ZNF562: variants seen among roughly 807,000 people sequenced by gnomAD.
ZNF562 encodes zinc finger protein 562.
A neutral mutation model predicts 17.5 loss-of-function variants in ZNF562; 13 were observed. That is an observed-to-expected ratio of 0.74 (90% CI 0.48 to 1.18). ZNF562 has a LOEUF of 1.18. Among genes scored for constraint, ZNF562 ranks in the 50% most tolerant of loss-of-function variants. The pLI is 0.00. For synonymous variants in ZNF562, 163 were observed against 165.4 expected (o/e 0.99, Z 0.11); for missense variants, 481 against 498.5 (o/e 0.96, Z 0.33).
chr19:9,656,393 T>C (rs60584541), intron 5 of ZNF562, among the ~76,000 whole-genome samples, 154 bp downstream of exon 5: 53,777 of 151,876 alleles, frequency 0.35, 13,403 homozygotes, highest in African/African-American at 0.7. Context: ...CCTGTAGTCC[T>C]AGCTACTCGG....
Position 9,647,701 on chromosome 19 carries a change from A to G in ZNF562, c.*5248T>C, listed in dbSNP as rs2023569499. On this transcript the variant is annotated 3_prime_UTR_variant, in exon 6 of 6. Coordinates refer to ENST00000453372, the MANE Select transcript of ZNF562 (RefSeq NM_001130031.2). ...AACCGTCTCTACTAAAAATACAAAA[A>G]TCAGCCAGGCAAGGTGGAGGCTGTC... The G allele has an allele frequency of 6.6e-6, 1 of 152,078 alleles. No homozygotes were observed. Among genetic ancestry groups the G allele is most frequent in the African/African-American group, 2.4e-5 (1 of 41,408 alleles). 9.4% of individuals were successfully genotyped at this position (152,078 alleles called of 1,614,324 possible).
intron 3 of ZNF562, 138 bp downstream of exon 3, chr19:9,659,241 T>A: frequency 1.3e-6 from 1 of 750,876 alleles, no homozygotes; most frequent in Non-Finnish European, 2.2e-6. Flanking sequence ...CCTGGGGAAA[T>A]TCACCTGGGG....
At chr19:9,666,697 CAG>C (rs1224093426) in intron 1 of ZNF562, among the ~76,000 whole-genome samples, 1 of 151,750 alleles carries the variant, frequency 6.6e-6, no homozygotes, top group Non-Finnish European at 1.5e-5. Context: ...AAAAAGAAAA[CAG>C]AACAGAAACC....
In ZNF562 at chr19:9,653,667, G is replaced by A; in HGVS notation, c.563C>T (p.Thr188Ile). 1.2e-6 allele frequency: 2 copies of A among 1,614,104 alleles called. No homozygotes were observed. The highest frequency in any genetic ancestry group is 8.5e-7 in the Non-Finnish European group (1 of 1,179,956). ...FNPCGKVFTL[T>I]PGLAVHLEIL... ...TTCAAGATGCACAGCAAGGCCTGGAGTTAAGGTGAAGACTTTTCCACATGG... is the reference window on the plus strand; with the variant it reads ...TTCAAGATGCACAGCAAGGCCTGGAATTAAGGTGAAGACTTTTCCACATGG... Residue 188 changes from threonine to isoleucine, a missense_variant, in exon 6 of 6, where the codon ACT (threonine) becomes ATT (isoleucine). This residue lies in a region of ZNF562 where 403 missense variants were observed against 386.4 expected (regional missense o/e 1.04). Coordinates refer to ENST00000453372, the MANE Select transcript of ZNF562 (RefSeq NM_001130031.2).
rs751854334 is a variant in ZNF562 at position 9,653,775 on chromosome 19, G to T, written c.455C>A (p.Thr152Asn). 7 of 1,613,956 alleles carry T rather than the reference G, an allele frequency of 4.3e-6. No individual in the cohort carries two copies. In the Admixed American group the frequency reaches 6.7e-5, roughly 15 times the overall value. ...TTTTCCATAACAATTACCCTCAAAA[G>T]TGTTCCCTCCATTCTGAGCTCTCAT... ...THMRAQNGGN[T>N]FEGNCYGKDS... Residue 152 changes from threonine to asparagine, a missense_variant, in exon 6 of 6, where the codon ACT becomes AAT. By Grantham distance (65) the Thr-to-Asn change is moderately conservative. Around this residue, in one of 2 missense-constraint regions of ZNF562, gnomAD observed 403 missense variants for 386.4 expected, o/e 1.04. Transcript: ENST00000453372.
At position 9,645,963 on chromosome 19, in the gene ZNF562, A is replaced by C. The variant is rs1487345722; in HGVS notation, c.*6986T>G. 6.6e-6 allele frequency: 1 copy of C among 152,102 alleles called. No homozygotes were observed. The highest frequency in any genetic ancestry group is 1.5e-5 in the Non-Finnish European group (1 of 67,998). 9.4% of individuals were successfully genotyped at this position (152,102 alleles called of 1,614,324 possible). On this transcript the variant is annotated 3_prime_UTR_variant, in exon 6 of 6. Coordinates refer to ENST00000453372, the MANE Select transcript of ZNF562 (RefSeq NM_001130031.2). ...AAGAGGGGAACACAATGAAACAAAC[A>C]AAAAAAATTAGATGCTAGAAATTAA...
At chr19:9,655,590 T>G (rs1312845461) in intron 5 of ZNF562, among the ~76,000 whole-genome samples, 1 of 151,846 alleles carries the variant, frequency 6.6e-6, no homozygotes, top group Admixed American at 6.6e-5. Flanking sequence ...CTGGCTAATT[T>G]TGTATTTTTA....
chr19:9,654,455 G>A (rs892609390), intron 5 of ZNF562, among the ~76,000 whole-genome samples: 1 of 151,844 alleles, frequency 6.6e-6, no homozygotes, highest in Non-Finnish European at 1.5e-5. Flanking sequence ...CCAATTTTTT[G>A]ATTTATTTAT....
At chr19:9,660,087 T>G (rs1181034959) in intron 2 of ZNF562, among the ~76,000 whole-genome samples, 2 of 61,112 alleles carry the variant, frequency 3.3e-5, no homozygotes, top group East Asian at 9.9e-4. Flanking sequence ...AGACTCCATC[T>G]CAAAAAAAAA....
chr19:9,642,318 T>A lies in ZNF562; in HGVS notation c.*10631A>T, dbSNP rs779750916. 6.6e-6 allele frequency: 1 copy of A among 151,214 alleles called. No homozygotes were observed. The highest frequency in any genetic ancestry group is 1.5e-5 in the Non-Finnish European group (1 of 67,910). 9.4% of individuals were successfully genotyped at this position (151,214 alleles called of 1,614,324 possible). ...AAAAAAAAAAAACAGGGTTTCACTC[T>A]GTCACACAGGCTGAAGTATAGTGGC... On this transcript the variant is annotated 3_prime_UTR_variant, in exon 6 of 6. Coordinates refer to ENST00000453372, the MANE Select transcript of ZNF562 (RefSeq NM_001130031.2).
At chr19:9,668,586 C>T (rs1006661338) in intron 1 of ZNF562, among the ~76,000 whole-genome samples, 1 of 152,030 alleles carries the variant, frequency 6.6e-6, no homozygotes, top group Admixed American at 6.6e-5. Context: ...ATAGCAATGA[C>T]ATTCATCGCA....
intron 4 of ZNF562, among the ~76,000 whole-genome samples, chr19:9,657,717 T>C (rs1428549437): frequency 1.3e-5 from 2 of 151,024 alleles, no homozygotes; most frequent in Non-Finnish European, 3.0e-5. Flanking sequence ...TGGCTAATTT[T>C]TTTGCATTTT....
chr19:9,655,717 CTTTTTTTTTTTTTTTTTT>C (rs58199071), intron 5 of ZNF562, among the ~76,000 whole-genome samples: 4,383 of 49,108 alleles, frequency 0.089, 182 homozygotes, highest in Non-Finnish European at 0.11. Context: ...TCTTTTCTTT[CTTTTTTTTTTTTTTTTTT>C]TTTTTTTTTT....
At chr19:9,674,829 T>G (rs1184787911) in intron 1 of ZNF562, 186 bp downstream of exon 1, 1 of 152,168 alleles carries the variant, frequency 6.6e-6, no homozygotes, top group African/African-American at 2.4e-5. Context: ...CAAACACACT[T>G]CCCGACGCAG....
intron 1 of ZNF562, 153 bp downstream of exon 1, chr19:9,674,862 C>T (rs879169473): frequency 6.6e-6 from 1 of 152,300 alleles, no homozygotes; most frequent in African/African-American, 2.4e-5. Context: ...TGCGGCCTCT[C>T]GGAACTGGCC....
intron 3 of ZNF562, among the ~76,000 whole-genome samples, chr19:9,659,069 T>A (rs563620178): frequency 6.6e-6 from 1 of 152,346 alleles, no homozygotes; most frequent in African/African-American, 2.4e-5. Flanking sequence ...AGTGAATTAA[T>A]TATTTGATAA....
intron 1 of ZNF562, among the ~76,000 whole-genome samples, chr19:9,669,998 G>A (rs559749793): frequency 1.4e-4 from 22 of 152,208 alleles, no homozygotes; most frequent in Admixed American, 4.6e-4. Flanking sequence ...GGAGGCGGAC[G>A]TTGCAGTGAA....
chr19:9,663,569 GTTTT>G (rs138613048), intron 1 of ZNF562, among the ~76,000 whole-genome samples: 2,165 of 149,290 alleles, frequency 0.015, 52 homozygotes, highest in African/African-American at 0.05. Context: ...GTGTAGATGG[GTTTT>G]TTTTTGTTTT....
chr19:9,652,989 T>A lies in ZNF562; in HGVS notation c.1241A>T (p.His414Leu). ...ECGKTFITSS[H>L]RSKHLKTHSG... is the part of the protein sequence containing the mutation. ...GTGAGTTTTCAAATGTTTACTACGATGGGAAGAAGTAATGAAGGTCTTCCC... is the reference window on the plus strand; with the variant it reads ...GTGAGTTTTCAAATGTTTACTACGAAGGGAAGAAGTAATGAAGGTCTTCCC... The change falls in exon 6 of 6, where the codon CAT becomes CTT. Residue 414 changes from histidine (H) to leucine (L), a missense_variant. Transcript: ENST00000453372. 6.6e-7 allele frequency: 1 copy of A among 1,518,624 alleles called. No individual in the cohort carries two copies. The highest frequency in any genetic ancestry group is 1.4e-5 in the South Asian group (1 of 72,928). 94.1% of individuals were successfully genotyped at this position (1,518,624 alleles called of 1,614,324 possible).
Sources: allele counts gnomAD v4.1 joint callset (sites outside exome capture counted in the v4.1 genomes callset), GRCh38; gene constraint gnomAD v4.1.1; regional missense constraint gnomAD v4.1.1; transcripts MANE v1.5; gene names NCBI Gene and HGNC (gene_info 2026-07-23, HGNC 2026-07-21).